The following TMTC1 variants were observed in gnomAD, a reference collection of about 807,000 sequenced individuals.
TMTC1 encodes protein O-mannosyl-transferase TMTC1.
Under a neutral mutation model 104.8 loss-of-function variants are expected in TMTC1, and 73 were observed. The ratio of observed to expected loss-of-function variants is 0.70; its 90% CI spans 0.58 to 0.85. The LOEUF (loss-of-function observed/expected upper bound fraction) is 0.85, where lower values mean the gene tolerates loss of function less well. Ranked by LOEUF, TMTC1 falls within the 40% of genes least tolerant of loss-of-function variation. The pLI is 0.00. For synonymous variants in TMTC1, 434 were observed against 428.7 expected, an observed-to-expected ratio of 1.01 and a Z score of -0.15; for missense variants, 1,035 against 1,096.1, an observed-to-expected ratio of 0.94 and a Z score of 0.79.
At position 29,536,297 on chromosome 12, in the gene TMTC1, T is replaced by A; in HGVS notation, c.1697A>T (p.Glu566Val). ...GGAATCCTTCAGTAAGGTGATAGCTTCTTCCTTTTTCTCCTGGGACCTATA... is the reference window on the plus strand; with the variant it reads ...GGAATCCTTCAGTAAGGTGATAGCTACTTCCTTTTTCTCCTGGGACCTATA... ...NLLKSQEKKE[E>V]AITLLKDSIK... Residue 566 changes from glutamate to valine, a missense_variant, in exon 11 of 18, where the codon GAA becomes GTA. Glu to Val is a moderately radical substitution (Grantham distance 121). Coordinates refer to ENST00000539277, the MANE Select transcript of TMTC1 (RefSeq NM_001193451.2). The A allele has an allele frequency of 6.2e-7, 1 of 1,610,344 alleles. No homozygotes were observed. The highest frequency in any genetic ancestry group is 2.2e-5 in the East Asian group (1 of 44,816).
chr12:29,742,999 G>C (rs902271301), intron 5 of TMTC1, among the ~76,000 whole-genome samples: 1 of 152,158 alleles, frequency 6.6e-6, no homozygotes, highest in Non-Finnish European at 1.5e-5. Context: ...ATTGGCTTTC[G>C]CATAAAATAA....
At chr12:29,643,108 T>A (rs928505848) in intron 5 of TMTC1, among the ~76,000 whole-genome samples, 1 of 151,966 alleles carries the variant, frequency 6.6e-6, no homozygotes, top group African/African-American at 2.4e-5. Flanking sequence ...GCCTTACTCC[T>A]GGGAGAATGG....
intron 5 of TMTC1, among the ~76,000 whole-genome samples, chr12:29,642,622 T>A (rs1173160201): frequency 1.3e-5 from 2 of 151,400 alleles, no homozygotes; most frequent in African/African-American, 2.4e-5. Flanking sequence ...CTCAAACAAA[T>A]CAGTAAGAAA....
At position 29,544,443 on chromosome 12, in the gene TMTC1, C is replaced by T. The variant is rs189350316; in HGVS notation, c.1677-8126G>A. Reference sequence around the variant, plus strand: ...CAGAAATGGAGATGCAGCTCACACACACACCTCACACTGGGGATGGCACAG... The same window carrying T: ...CAGAAATGGAGATGCAGCTCACACATACACCTCACACTGGGGATGGCACAG... On this transcript the variant is annotated intron_variant, in intron 10 of 17. Transcript: ENST00000539277. 6.3e-3 allele frequency among the ~76,000 whole-genome samples: 958 copies of T among 151,982 alleles called. 4 individuals are homozygous for T. Among genetic ancestry groups the T allele is most frequent in the Non-Finnish European group, 8.4e-3 (570 of 67,980 alleles).
chr12:29,660,844 A>C, intron 5 of TMTC1: 5 of 1,502,766 alleles, frequency 3.3e-6, no homozygotes, highest in Non-Finnish European at 4.4e-6. Flanking sequence ...AAATGGTCTC[A>C]TGGTAAGCAG....
At chr12:29,579,727 C>G (rs929841551) in intron 8 of TMTC1, among the ~76,000 whole-genome samples, 10 of 152,144 alleles carry the variant, frequency 6.6e-5, no homozygotes, top group Admixed American at 6.6e-4. Context: ...TCACTAGGCC[C>G]AACCAGAGCT....
At chr12:29,572,427 T>C (rs766036956) in intron 8 of TMTC1, among the ~76,000 whole-genome samples, 1 of 152,214 alleles carries the variant, frequency 6.6e-6, no homozygotes, top group Non-Finnish European at 1.5e-5. Context: ...GGCAGTATAG[T>C]GTTATGTATA....
At chr12:29,660,034 T>C in intron 5 of TMTC1, 1 of 1,372,702 alleles carries the variant, frequency 7.3e-7, no homozygotes, top group Non-Finnish European at 1.0e-6. Context: ...ATCTCCACCC[T>C]TTTTGCAGGT....
intron 5 of TMTC1, among the ~76,000 whole-genome samples, chr12:29,679,332 T>C (rs1378893283): frequency 6.6e-6 from 1 of 152,204 alleles, no homozygotes; most frequent in Non-Finnish European, 1.5e-5. Flanking sequence ...CTTTATTTTA[T>C]AATTTTCTGT....
At chr12:29,592,563 C>T (rs901875911) in intron 7 of TMTC1, among the ~76,000 whole-genome samples, 1 of 152,126 alleles carries the variant, frequency 6.6e-6, no homozygotes, top group South Asian at 2.1e-4. Context: ...CCCTAATTTT[C>T]TTTTACTCCT....
intron 5 of TMTC1, among the ~76,000 whole-genome samples, chr12:29,646,982 T>C (rs1939294442): frequency 6.6e-6 from 1 of 152,192 alleles, no homozygotes; most frequent in Admixed American, 6.5e-5. Context: ...GGTCTGGTAA[T>C]CACACCTCTA....
At chr12:29,738,159 C>T (rs1036052986) in intron 5 of TMTC1, among the ~76,000 whole-genome samples, 4 of 152,048 alleles carry the variant, frequency 2.6e-5, no homozygotes, top group African/African-American at 9.7e-5. Context: ...ATTTTATAGA[C>T]CTGGAAATCA....
chr12:29,682,142 G>T (rs943391493), intron 5 of TMTC1, among the ~76,000 whole-genome samples: 7 of 152,150 alleles, frequency 4.6e-5, no homozygotes, highest in Non-Finnish European at 8.8e-5. Context: ...ATAGCCAATA[G>T]ATGGCCAATG....
intron 7 of TMTC1, among the ~76,000 whole-genome samples, chr12:29,598,349 T>G (rs931217230): frequency 9.2e-5 from 14 of 152,350 alleles, no homozygotes; most frequent in African/African-American, 3.1e-4. Context: ...TTTTGCATTC[T>G]GAGAAATAAA....
chr12:29,761,115 CAT>C lies in TMTC1; in HGVS notation c.481-2340_481-2339del, dbSNP rs567149951. On this transcript the variant is annotated intron_variant, in intron 2 of 17. Transcript: ENST00000539277. ...TATTAAACCATATATTGCAATATAA[CAT>C]GTTTTCTTATTTTACATGTTCTAAT... Among the ~76,000 whole-genome samples the C allele has an allele frequency of 3.1e-3, 463 of 147,842 alleles. 4 individuals are homozygous for C. The highest frequency in any genetic ancestry group is 9.9e-3 in the African/African-American group (405 of 40,826).
intron 5 of TMTC1, among the ~76,000 whole-genome samples, chr12:29,668,243 T>A (rs569310296): frequency 1.3e-5 from 2 of 152,122 alleles, no homozygotes; most frequent in Non-Finnish European, 2.9e-5. Context: ...GGCACCAGCA[T>A]CTGGGAGGCC....
chr12:29,660,414 A>G (rs1591881426), intron 5 of TMTC1, among the ~76,000 whole-genome samples: 1 of 152,206 alleles, frequency 6.6e-6, no homozygotes, highest in East Asian at 1.9e-4. Flanking sequence ...TGCCCAAACT[A>G]AAGCAGGTAG....
At chr12:29,543,781 T>C (rs1490778061) in intron 10 of TMTC1, among the ~76,000 whole-genome samples, 2 of 152,212 alleles carry the variant, frequency 1.3e-5, no homozygotes, top group African/African-American at 4.8e-5. Context: ...TTATATTCTA[T>C]GTAGCTTCCT....
At chr12:29,742,680 G>T (rs1347368622) in intron 5 of TMTC1, among the ~76,000 whole-genome samples, 2 of 152,154 alleles carry the variant, frequency 1.3e-5, no homozygotes, top group Non-Finnish European at 2.9e-5. Context: ...TCAGCTGTTA[G>T]TCTCAGAAAC....
Sources: allele counts gnomAD v4.1 joint callset (sites outside exome capture counted in the v4.1 genomes callset), GRCh38; gene constraint gnomAD v4.1.1; transcripts MANE v1.5; gene names NCBI Gene and HGNC (gene_info 2026-07-23, HGNC 2026-07-21).